Variants in EPHA4 observed in about 807,000 individuals in gnomAD.
The protein encoded by EPHA4 is ephrin type-A receptor 4.
In EPHA4, 19 loss-of-function variants were observed where a neutral mutation model predicts 108.3. The ratio of observed to expected loss-of-function variants is 0.18; its 90% CI spans 0.12 to 0.26. The LOEUF (loss-of-function observed/expected upper bound fraction) is 0.26, where lower values mean the gene tolerates loss of function less well. EPHA4 is among the 10% of genes least tolerant of loss of function. The pLI, the probability that EPHA4 is intolerant of heterozygous loss-of-function variation, is 1.00. For missense variants in EPHA4, 917 were observed against 1,254.0 expected, an observed-to-expected ratio of 0.73 and a Z score of 4.06; for synonymous variants, 449 against 455.5, an observed-to-expected ratio of 0.99 and a Z score of 0.18.
chr2:221,453,814 T>C (rs144122830), intron 8 of EPHA4, among the ~76,000 whole-genome samples: 80 of 152,336 alleles, frequency 5.3e-4, no homozygotes, highest in African/African-American at 1.8e-3. Context: ...TACTGTGTTA[T>C]GTTAGAGTGA....
Position 221,499,741 on chromosome 2 carries a change from TATA to T in EPHA4, c.979+1273_979+1275del, listed in dbSNP as rs1692421843. On this transcript the variant is annotated intron_variant, in intron 4 of 17. Transcript: ENST00000281821. ...ATATATATATATATATATATATATATATATATATATATATATTTTTTTTTTTTT... is the reference window on the plus strand; with the variant it reads ...ATATATATATATATATATATATATATTATATATATATATTTTTTTTTTTTT... 7.0e-5 allele frequency among the ~76,000 whole-genome samples: 4 copies of T among 57,436 alleles called. No homozygotes were observed. The East Asian group carries it at 1.5e-3, about 22-fold the overall frequency. 37.7% of individuals were successfully genotyped at this position (57,436 alleles called of 152,430 possible).
At chr2:221,548,927 A>G (rs1694082432) in intron 3 of EPHA4, among the ~76,000 whole-genome samples, 1 of 152,140 alleles carries the variant, frequency 6.6e-6, no homozygotes, top group Non-Finnish European at 1.5e-5. Flanking sequence ...TGAGGACGAC[A>G]CCAGGATTTA....
chr2:221,457,260 T>C (rs566777060), intron 6 of EPHA4, among the ~76,000 whole-genome samples: 4 of 152,332 alleles, frequency 2.6e-5, no homozygotes, highest in African/African-American at 9.6e-5. Context: ...GTTCATTTTC[T>C]AGACAACCTT....
At chr2:221,470,486 A>G (rs1691446574) in intron 5 of EPHA4, among the ~76,000 whole-genome samples, 1 of 151,836 alleles carries the variant, frequency 6.6e-6, no homozygotes, top group Non-Finnish European at 1.5e-5. Context: ...TTCTGAGGAC[A>G]ATATTCATGA....
Position 221,425,199 on chromosome 2 carries a change from T to C in EPHA4, c.*819+10A>G, listed in dbSNP as rs1291784668. On this transcript the variant is annotated intron_variant, in intron 17 of 17. Coordinates refer to ENST00000281821, the MANE Select transcript of EPHA4 (RefSeq NM_004438.5). ...CTGGAGAAAAAATCATTCTTGGTTG[T>C]TGGACTTACCTTGCAGATCTGGGGT... The C allele has an allele frequency of 6.6e-6, 1 of 152,506 alleles. No individual in the cohort carries two copies. Among genetic ancestry groups the C allele is most frequent in the Non-Finnish European group, 1.5e-5 (1 of 68,040 alleles). The allele number at this position is 152,506 out of a possible 1,614,324, so 9.4% of individuals were successfully genotyped here.
intron 4 of EPHA4, among the ~76,000 whole-genome samples, chr2:221,485,332 G>A (rs959967142): frequency 1.3e-5 from 2 of 152,162 alleles, no homozygotes; most frequent in Non-Finnish European, 2.9e-5. Flanking sequence ...GGGCTGGCAC[G>A]AAAACACGTG....
intron 14 of EPHA4, among the ~76,000 whole-genome samples, chr2:221,432,979 T>C (rs1384277876): frequency 1.3e-5 from 2 of 151,846 alleles, no homozygotes; most frequent in African/African-American, 4.8e-5. Flanking sequence ...CACCCACCAC[T>C]ATGCCCGGCT....
chr2:221,534,236 G>T (rs1434035770), intron 3 of EPHA4, among the ~76,000 whole-genome samples: 2 of 152,126 alleles, frequency 1.3e-5, no homozygotes, highest in Non-Finnish European at 2.9e-5. Flanking sequence ...AAATGAATTT[G>T]TGCAAAAACA....
At chr2:221,553,831 T>A (rs1694229893) in intron 3 of EPHA4, among the ~76,000 whole-genome samples, 1 of 152,232 alleles carries the variant, frequency 6.6e-6, no homozygotes, top group African/African-American at 2.4e-5. Flanking sequence ...CATTGCCATT[T>A]GCCTTCTATT....
rs564875473 is a variant in EPHA4 at position 221,435,146 on chromosome 2, A to T, written c.2347-855T>A. Among the ~76,000 whole-genome samples, 4 of 152,276 alleles carry T rather than the reference A, an allele frequency of 2.6e-5. No individual in the cohort carries two copies. In the South Asian group the frequency reaches 8.3e-4, roughly 32 times the overall value. On this transcript the variant is annotated intron_variant, in intron 13 of 17. Coordinates refer to ENST00000281821, the MANE Select transcript of EPHA4 (RefSeq NM_004438.5). ...TTGCTTTCTTAGGTAGGGCTACGAA[A>T]CAGGACAATAAATTGTACTGGAAAT... is the stretch of plus-strand genomic sequence containing the variant.
Position 221,444,834 on chromosome 2 carries a change from T to C in EPHA4, c.1775-1228A>G, listed in dbSNP as rs555622970. ...GTACAGTGGTAGGATCTTGGTTCAC[T>C]GCAACCTCCGCCTCCTGGGTTCAAG... is the stretch of plus-strand genomic sequence containing the variant. On this transcript the variant is annotated intron_variant, in intron 9 of 17. Coordinates refer to ENST00000281821, the MANE Select transcript of EPHA4 (RefSeq NM_004438.5). 3.1e-4 allele frequency among the ~76,000 whole-genome samples: 42 copies of C among 136,448 alleles called. 1 individual carries two copies. In the South Asian group the frequency reaches 0.011, roughly 36 times the overall value. 89.5% of individuals were successfully genotyped at this position (136,448 alleles called of 152,430 possible).
Position 221,426,352 on chromosome 2 carries a change from G to C in EPHA4, c.2846+112C>G, listed in dbSNP as rs1035130349. ...AAAATTATACTCAATCAAAATGAGA[G>C]GCATTCCAGATTTTTTTTAAATGAG... On this transcript the variant is annotated intron_variant, in intron 16 of 17. Coordinates refer to ENST00000281821, the MANE Select transcript of EPHA4 (RefSeq NM_004438.5). 41 of 1,285,826 alleles carry C rather than the reference G, an allele frequency of 3.2e-5. No individual in the cohort carries two copies. In the African/African-American group the frequency reaches 5.4e-4, roughly 17 times the overall value. 79.7% of individuals were successfully genotyped at this position (1,285,826 alleles called of 1,614,324 possible). A position where few individuals can be genotyped will look rare whatever the true frequency, so the allele number is the denominator to read the frequency against.
At chr2:221,424,700 G>A (rs568270574) in intron 17 of EPHA4, among the ~76,000 whole-genome samples, 1 of 152,258 alleles carries the variant, frequency 6.6e-6, no homozygotes, top group South Asian at 2.1e-4. Flanking sequence ...ATCCTCTTTG[G>A]CCCTGTTTGG....
chr2:221,500,857 C>G (rs146428500), intron 4 of EPHA4, among the ~76,000 whole-genome samples, 160 bp downstream of exon 4: 88 of 152,296 alleles, frequency 5.8e-4, no homozygotes, highest in African/African-American at 1.7e-3. Context: ...AAGACCCTTT[C>G]TTTTTACAAG....
chr2:221,448,367 G>T (rs548254849), intron 8 of EPHA4, among the ~76,000 whole-genome samples: 1 of 152,076 alleles, frequency 6.6e-6, no homozygotes, highest in South Asian at 2.1e-4. Context: ...GTTACATAAG[G>T]ATACCTGGTG....
chr2:221,504,770 C>T (rs1692581952), intron 3 of EPHA4, among the ~76,000 whole-genome samples: 1 of 152,128 alleles, frequency 6.6e-6, no homozygotes, highest in Admixed American at 6.6e-5. Flanking sequence ...GAGCTTGAGG[C>T]ATTATCACTG....
In EPHA4 at chr2:221,506,551, C is replaced by G. The variant is rs984623243; in HGVS notation, c.824-5379G>C. Among the ~76,000 whole-genome samples the G allele has an allele frequency of 2.6e-5, 4 of 152,316 alleles. 1 individual carries two copies. The highest frequency in any genetic ancestry group is 9.6e-5 in the African/African-American group (4 of 41,570). ...AATACGCTATAGATCTCTGCTTTCT[C>G]TTTTCAAACATGCAGGGTGAAGATG... On this transcript the variant is annotated intron_variant, in intron 3 of 17. Coordinates refer to ENST00000281821, the MANE Select transcript of EPHA4 (RefSeq NM_004438.5).
chr2:221,507,727 T>C (rs1165370745), intron 3 of EPHA4, among the ~76,000 whole-genome samples: 2 of 152,142 alleles, frequency 1.3e-5, no homozygotes, highest in African/African-American at 4.8e-5. Flanking sequence ...CAACAGAAAG[T>C]GTTCAAGAGC....
intron 4 of EPHA4, among the ~76,000 whole-genome samples, chr2:221,487,848 T>C (rs1181902770): frequency 6.6e-6 from 1 of 152,108 alleles, no homozygotes; most frequent in African/African-American, 2.4e-5. Context: ...AAAATGAAAA[T>C]AGCATGTTCA....
Sources: gnomAD v4.1 joint callset for allele counts (sites outside exome capture counted in the v4.1 genomes callset) on GRCh38, gnomAD v4.1.1 for gene constraint, MANE v1.5 for transcripts, NCBI Gene and HGNC (gene_info 2026-07-23, HGNC 2026-07-21) for gene names.